The following ITGA9 variants were observed in gnomAD, a reference collection of about 807,000 sequenced individuals.
ITGA9 encodes integrin subunit alpha 9, also known as integrin alpha-9.
ITGA9 carries 56 observed loss-of-function variants against 127.8 expected under a neutral mutation model. That is an observed-to-expected ratio of 0.44 (90% confidence interval 0.35 to 0.55). ITGA9 has a LOEUF of 0.55. Ranked by LOEUF, ITGA9 falls within the 20% of genes least tolerant of loss-of-function variation. The pLI is 0.00. For missense variants in ITGA9, 1,196 were observed against 1,347.1 expected (o/e 0.89, Z 1.76); for synonymous variants, 508 against 514.5 (o/e 0.99, Z 0.17).
At chr3:37,807,695 T>G (rs1358505462) in intron 27 of ITGA9, 1 of 152,406 alleles carries the variant, frequency 6.6e-6, no homozygotes, top group African/African-American at 2.4e-5. Flanking sequence ...TGCAGTGAGC[T>G]ATGATCATAC....
rs368076396 is a variant in ITGA9, at chr3:37,542,387, G to A, written c.1529-38G>A. ...AGAGGTGGCCTCATCACAGTGTGTC[G>A]GTCCTTTCTGACATTTTGACCTCTC... On this transcript the variant is annotated intron_variant, in intron 14 of 27. Transcript: ENST00000264741. 65 of 1,610,586 alleles carry A rather than the reference G, an allele frequency of 4.0e-5. No individual in the cohort carries two copies. In the African/African-American group the frequency reaches 5.2e-4, roughly 13 times the overall value.
chr3:37,568,792 C>T (rs1239951943), intron 15 of ITGA9, among the ~76,000 whole-genome samples: 2 of 152,216 alleles, frequency 1.3e-5, no homozygotes, highest in African/African-American at 4.8e-5. Flanking sequence ...ATTTCGTTGT[C>T]CCTATTATTA....
chr3:37,548,694 G>C (rs1225381015), intron 15 of ITGA9, among the ~76,000 whole-genome samples: 3 of 152,128 alleles, frequency 2.0e-5, no homozygotes, highest in Non-Finnish European at 2.9e-5. Context: ...TAGATCCATA[G>C]TATCCTGGCT....
chr3:37,535,964 A>G (rs558865104), intron 14 of ITGA9, among the ~76,000 whole-genome samples: 1 of 152,098 alleles, frequency 6.6e-6, no homozygotes, highest in South Asian at 2.1e-4. Flanking sequence ...GGCAGGCCTT[A>G]TGGAAATGTG....
intron 1 of ITGA9, among the ~76,000 whole-genome samples, chr3:37,469,148 G>A (rs892086400): frequency 6.6e-6 from 1 of 152,210 alleles, no homozygotes; most frequent in African/African-American, 2.4e-5. Context: ...GCCCAAACCT[G>A]CCTCTTCTGT....
chr3:37,610,245 A>G (rs1215989127), intron 15 of ITGA9, among the ~76,000 whole-genome samples: 2 of 152,210 alleles, frequency 1.3e-5, no homozygotes, highest in African/African-American at 4.8e-5. Flanking sequence ...GGGCAGAGCT[A>G]CTTAATATTG....
rs534968046 is a variant in ITGA9, at chr3:37,791,241, A to G, written c.2889+6163A>G. Among the ~76,000 whole-genome samples the G allele has an allele frequency of 9.5e-4, 145 of 152,326 alleles. 1 individual carries two copies. The highest frequency in any genetic ancestry group is 3.4e-3 in the African/African-American group (141 of 41,570). On this transcript the variant is annotated intron_variant, in intron 26 of 27. Coordinates refer to ENST00000264741, the MANE Select transcript of ITGA9 (RefSeq NM_002207.3). ...TCAAACTCCCGTCTCAGTCTGTGTG[A>G]GAAGCGTGCATGAATTCTTGCTATT...
intron 10 of ITGA9, among the ~76,000 whole-genome samples, chr3:37,518,320 C>T (rs1699008370): frequency 6.6e-6 from 1 of 152,176 alleles, no homozygotes; most frequent in South Asian, 2.1e-4. Flanking sequence ...CTTGCCCAGG[C>T]CAGCCATCCA....
Position 37,517,514 on chromosome 3 carries a change from A to G in ITGA9, c.1046A>G (p.Glu349Gly). ...VYINRGNGAL[E>G]EQLALTGDGA... Reference sequence around the variant, plus strand: ...CATCCTGTTTCCCAGGGAGCCCTCGAGGAGCAGCTGGCTCTGACTGGGGAT... The same window carrying G: ...CATCCTGTTTCCCAGGGAGCCCTCGGGGAGCAGCTGGCTCTGACTGGGGAT... The change falls in exon 10 of 28, where the codon GAG (glutamate) becomes GGG (glycine). Residue 349 changes from glutamate (E) to glycine (G), a missense_variant. Physicochemically the swap from Glu to Gly is moderately conservative, Grantham distance 98. Coordinates refer to ENST00000264741, the MANE Select transcript of ITGA9 (RefSeq NM_002207.3). The G allele has an allele frequency of 6.3e-7, 1 of 1,592,294 alleles. No homozygotes were observed. Among genetic ancestry groups the G allele is most frequent in the Non-Finnish European group, 8.6e-7 (1 of 1,168,760 alleles).
At chr3:37,732,665 C>G (rs202032408) in intron 18 of ITGA9, 47 bp from the exon 19 acceptor site, 1 of 1,459,332 alleles carries the variant, frequency 6.9e-7, no homozygotes, top group African/African-American at 1.4e-5. Flanking sequence ...CTCCCACACA[C>G]CTGCCTTTTG....
At chr3:37,464,500 C>T (rs1698350192) in intron 1 of ITGA9, among the ~76,000 whole-genome samples, 1 of 152,148 alleles carries the variant, frequency 6.6e-6, no homozygotes, top group Non-Finnish European at 1.5e-5. Flanking sequence ...TTGCTTAAAC[C>T]TTACAAGAAA....
At chr3:37,686,395 G>T (rs551973250) in intron 18 of ITGA9, among the ~76,000 whole-genome samples, 1 of 152,262 alleles carries the variant, frequency 6.6e-6, no homozygotes, top group South Asian at 2.1e-4. Flanking sequence ...AGCTGCTGGG[G>T]ACAGCATCAT....
At chr3:37,510,196 G>A (rs531151834) in intron 8 of ITGA9, among the ~76,000 whole-genome samples, 1 of 151,826 alleles carries the variant, frequency 6.6e-6, no homozygotes. Context: ...GTAGAGATGG[G>A]GTTTCACCAT....
chr3:37,475,722 T>C (rs1698486820), intron 3 of ITGA9, among the ~76,000 whole-genome samples: 1 of 152,264 alleles, frequency 6.6e-6, no homozygotes, highest in African/African-American at 2.4e-5. Context: ...GTTTTTCTAA[T>C]TGTGGCCAAA....
chr3:37,759,377 G>A (rs1696696204), intron 23 of ITGA9, among the ~76,000 whole-genome samples: 1 of 152,006 alleles, frequency 6.6e-6, no homozygotes, highest in Admixed American at 6.5e-5. Context: ...GAAAAAAACA[G>A]TTAATAAAAA....
At chr3:37,694,665 TG>T (rs1316244463) in intron 18 of ITGA9, among the ~76,000 whole-genome samples, 1 of 152,126 alleles carries the variant, frequency 6.6e-6, no homozygotes, top group East Asian at 1.9e-4. Flanking sequence ...AGTGAATCTG[TG>T]GGGGGAATTT....
At chr3:37,816,203 G>A (rs1266577838) in intron 27 of ITGA9, among the ~76,000 whole-genome samples, 1 of 152,180 alleles carries the variant, frequency 6.6e-6, no homozygotes. Context: ...GGACAGGTGA[G>A]ATGCTGAGTA....
intron 16 of ITGA9, among the ~76,000 whole-genome samples, chr3:37,630,361 A>G (rs1011829840): frequency 2.0e-5 from 3 of 152,234 alleles, no homozygotes; most frequent in Non-Finnish European, 2.9e-5. Context: ...TTGGGAACAC[A>G]TGGTCTAATG....
intron 18 of ITGA9, among the ~76,000 whole-genome samples, chr3:37,707,204 T>C (rs1187896613): frequency 1.5e-5 from 1 of 68,884 alleles, no homozygotes; most frequent in Non-Finnish European, 2.6e-5. Context: ...TTTTAAAAAA[T>C]TTCTTAAGAG....
Sources: allele counts gnomAD v4.1 joint callset (sites outside exome capture counted in the v4.1 genomes callset), GRCh38; gene constraint gnomAD v4.1.1; transcripts MANE v1.5; gene names NCBI Gene and HGNC (gene_info 2026-07-23, HGNC 2026-07-21).